Variants in SPOCK1 observed in about 807,000 individuals in gnomAD.
The protein encoded by SPOCK1 is testican-1.
SPOCK1 carries 23 observed loss-of-function variants against 55.3 expected under a neutral mutation model. The observed-to-expected ratio is 0.42, with a 90% confidence interval of 0.30 to 0.59. SPOCK1 has a LOEUF of 0.59. SPOCK1 is among the 20% of genes least tolerant of loss of function. SPOCK1 has a pLI of 0.22. For synonymous variants in SPOCK1, 226 were observed against 221.0 expected, an observed-to-expected ratio of 1.02 and a Z score of -0.20; for missense variants, 499 against 552.5, an observed-to-expected ratio of 0.90 and a Z score of 0.97.
At chr5:137,382,471 C>T (rs189314437) in intron 2 of SPOCK1, among the ~76,000 whole-genome samples, 1 of 152,252 alleles carries the variant, frequency 6.6e-6, no homozygotes, top group Non-Finnish European at 1.5e-5. Context: ...AAAGAACTAC[C>T]TGAGACTAGG....
At chr5:137,477,758 G>GC (rs1408515535) in intron 2 of SPOCK1, among the ~76,000 whole-genome samples, 11 of 150,118 alleles carry the variant, frequency 7.3e-5, no homozygotes, top group Admixed American at 5.9e-4. Flanking sequence ...AGCTCCACAT[G>GC]TCAGCTCAGA....
intron 2 of SPOCK1, among the ~76,000 whole-genome samples, chr5:137,356,830 TATATATATAGAGAGAG>T (rs1159005071): frequency 0.011 from 128 of 11,994 alleles, 1 homozygote; most frequent in Non-Finnish European, 0.019. Flanking sequence ...TATATATATA[TATATATATAGAGAGAG>T]AGAGAGAGAG....
chr5:137,161,487 G>A (rs572699101), intron 3 of SPOCK1, among the ~76,000 whole-genome samples: 10 of 152,138 alleles, frequency 6.6e-5, no homozygotes, highest in South Asian at 4.1e-4. Context: ...GGGCTCCAAC[G>A]GAAGTAATTG....
intron 3 of SPOCK1, among the ~76,000 whole-genome samples, chr5:137,191,195 C>A (rs1000966041): frequency 6.6e-6 from 1 of 152,212 alleles, no homozygotes; most frequent in African/African-American, 2.4e-5. Context: ...CTTAACCTCT[C>A]TGAGTGTTTC....
intron 2 of SPOCK1, among the ~76,000 whole-genome samples, chr5:137,451,247 G>A (rs1165150584): frequency 6.6e-6 from 1 of 152,056 alleles, no homozygotes; most frequent in Non-Finnish European, 1.5e-5. Context: ...CGGCAGCCAG[G>A]AGCCATGCTT....
intron 3 of SPOCK1, among the ~76,000 whole-genome samples, chr5:137,161,302 A>T (rs891281379): frequency 5.3e-5 from 8 of 151,422 alleles, no homozygotes; most frequent in Non-Finnish European, 1.0e-4. Flanking sequence ...TCCAGGCCAT[A>T]TATATATATG....
intron 2 of SPOCK1, among the ~76,000 whole-genome samples, chr5:137,275,846 G>T (rs1757055784): frequency 6.6e-6 from 1 of 152,114 alleles, no homozygotes; most frequent in Non-Finnish European, 1.5e-5. Context: ...TGCCGTTCAG[G>T]CAACAACGAA....
chr5:137,144,549 G>T (rs1181942642), intron 3 of SPOCK1, among the ~76,000 whole-genome samples: 1 of 152,214 alleles, frequency 6.6e-6, no homozygotes, highest in African/African-American at 2.4e-5. Context: ...TAATCACCTC[G>T]CCGCATTTTG....
At chr5:137,004,972 G>A (rs1187267529) in intron 6 of SPOCK1, among the ~76,000 whole-genome samples, 1 of 152,178 alleles carries the variant, frequency 6.6e-6, no homozygotes, top group Admixed American at 6.5e-5. Context: ...GAAGAAAAGA[G>A]CAAAATGGCC....
At chr5:137,182,117 G>A (rs934383454) in intron 3 of SPOCK1, among the ~76,000 whole-genome samples, 4 of 152,254 alleles carry the variant, frequency 2.6e-5, no homozygotes, top group Middle Eastern at 6.8e-3. Context: ...AGGCTCAATC[G>A]TGCCACTTTT....
At position 137,155,183 on chromosome 5, in the gene SPOCK1, G is replaced by A. The variant is rs897225328; in HGVS notation, c.233-14489C>T. ...TTAAGCATTCCTTTCAGTTGTAGCA[G>A]CCCAAACTGGGCCCCTTTTCCTCTC... On this transcript the variant is annotated intron_variant, in intron 3 of 10. Coordinates refer to ENST00000394945, the MANE Select transcript of SPOCK1 (RefSeq NM_004598.4). Among the ~76,000 whole-genome samples, 25 of 152,314 alleles carry A rather than the reference G, an allele frequency of 1.6e-4. 1 individual carries two copies. The highest frequency in any genetic ancestry group is 6.0e-4 in the African/African-American group (25 of 41,574).
chr5:137,480,611 C>T (rs1418882945), intron 2 of SPOCK1, among the ~76,000 whole-genome samples: 1 of 152,062 alleles, frequency 6.6e-6, no homozygotes, highest in African/African-American at 2.4e-5. Flanking sequence ...CACTGAATGG[C>T]CAAATGGCCC....
intron 3 of SPOCK1, among the ~76,000 whole-genome samples, chr5:137,258,302 T>C (rs1290130751): frequency 3.3e-5 from 5 of 152,230 alleles, no homozygotes; most frequent in African/African-American, 1.2e-4. Flanking sequence ...CCGCATTGCC[T>C]TTCATCAGGC....
intron 3 of SPOCK1, among the ~76,000 whole-genome samples, chr5:137,217,651 GAAGT>G (rs1309408027): frequency 2.0e-5 from 3 of 152,178 alleles, no homozygotes; most frequent in East Asian, 1.9e-4. Flanking sequence ...CACTGTTACT[GAAGT>G]AAGTACTCAC....
intron 2 of SPOCK1, among the ~76,000 whole-genome samples, chr5:137,299,195 A>T (rs1757541968): frequency 6.6e-6 from 1 of 152,110 alleles, no homozygotes; most frequent in African/African-American, 2.4e-5. Context: ...AAAACAGTCT[A>T]GGCAGAGTTC....
chr5:137,134,170 A>G (rs1319346806), intron 4 of SPOCK1, among the ~76,000 whole-genome samples: 2 of 152,132 alleles, frequency 1.3e-5, no homozygotes, highest in East Asian at 3.9e-4. Flanking sequence ...CAACAATCCC[A>G]TCTGTAAAAT....
At chr5:137,131,942 A>G (rs1379207664) in intron 4 of SPOCK1, among the ~76,000 whole-genome samples, 1 of 122,354 alleles carries the variant, frequency 8.2e-6, no homozygotes, top group Non-Finnish European at 1.6e-5. Context: ...ACTGCACTCC[A>G]GCCTGGGCGA....
chr5:137,157,962 T>C (rs1355541104), intron 3 of SPOCK1, among the ~76,000 whole-genome samples: 2 of 152,166 alleles, frequency 1.3e-5, no homozygotes, highest in Non-Finnish European at 2.9e-5. Context: ...CTTGGGAGGC[T>C]GAGGCCGGAG....
At chr5:137,472,384 A>T (rs527279408) in intron 2 of SPOCK1, among the ~76,000 whole-genome samples, 1 of 152,224 alleles carries the variant, frequency 6.6e-6, no homozygotes, top group Non-Finnish European at 1.5e-5. Flanking sequence ...GTACAAAAAA[A>T]AAAAAGCTCA....
Sources: gnomAD v4.1 joint callset for allele counts (sites outside exome capture counted in the v4.1 genomes callset) on GRCh38, gnomAD v4.1.1 for gene constraint, MANE v1.5 for transcripts, NCBI Gene and HGNC (gene_info 2026-07-23, HGNC 2026-07-21) for gene names.